ADCK1: variants seen among roughly 807,000 people sequenced by gnomAD.
The protein encoded by ADCK1 is aarF domain-containing protein kinase 1.
In ADCK1, 41 loss-of-function variants were observed where a neutral mutation model predicts 52.3. That is an observed-to-expected ratio of 0.78 (90% CI 0.61 to 1.02). The LOEUF (loss-of-function observed/expected upper bound fraction) is 1.02. Ranked by LOEUF, ADCK1 falls within the 50% of genes least tolerant of loss-of-function variation. The pLI is 0.00. For missense variants in ADCK1, 658 were observed against 679.5 expected, an observed-to-expected ratio of 0.97 and a Z score of 0.35; for synonymous variants, 250 against 274.6, an observed-to-expected ratio of 0.91 and a Z score of 0.89.
chr14:77,850,469 G>A (rs543843291), intron 3 of ADCK1, among the ~76,000 whole-genome samples: 9 of 152,024 alleles, frequency 5.9e-5, no homozygotes, highest in South Asian at 4.2e-4. Context: ...CATGTATTTC[G>A]AAGCTGTTAT....
chr14:77,934,754 A>C lies in ADCK1; in HGVS notation c.*1363A>C, dbSNP rs2084414159. 1 of 152,238 alleles carries C rather than the reference A, an allele frequency of 6.6e-6. No individual in the cohort carries two copies. Among genetic ancestry groups the C allele is most frequent in the Non-Finnish European group, 1.5e-5 (1 of 68,046 alleles). The allele number at this position is 152,238 out of a possible 1,614,324, so 9.4% of individuals were successfully genotyped here. On this transcript the variant is annotated 3_prime_UTR_variant, in exon 11 of 11. Transcript: ENST00000238561. Reference sequence around the variant, plus strand: ...CTTCACCCAATTCACAAGGGCAGAAAAAATCCTGAATTTGAGCCTAATTTT... The same window carrying C: ...CTTCACCCAATTCACAAGGGCAGAACAAATCCTGAATTTGAGCCTAATTTT...
chr14:77,912,433 C>CGTGTGTGTGT (rs57555913), intron 7 of ADCK1, among the ~76,000 whole-genome samples: 32 of 138,254 alleles, frequency 2.3e-4, no homozygotes, highest in East Asian at 1.8e-3. Flanking sequence ...TACGGAGGAG[C>CGTGTGTGTGT]GTGTGTGTGT....
chr14:77,883,937 G>A (rs1274691560), intron 4 of ADCK1, among the ~76,000 whole-genome samples: 1 of 152,146 alleles, frequency 6.6e-6, no homozygotes, highest in Non-Finnish European at 1.5e-5. Context: ...TGTCCTCTGG[G>A]GATGTGGTGG....
chr14:77,856,701 G>A (rs6574406), intron 3 of ADCK1, among the ~76,000 whole-genome samples: 130,338 of 152,190 alleles, frequency 0.86, 55,955 homozygotes, highest in Middle Eastern at 0.93. Context: ...CAAGCTGGCT[G>A]TGACAATGCT....
chr14:77,838,636 T>A (rs2082006792), intron 3 of ADCK1, among the ~76,000 whole-genome samples: 1 of 152,150 alleles, frequency 6.6e-6, no homozygotes, highest in Non-Finnish European at 1.5e-5. Flanking sequence ...GGGCTCAAGC[T>A]ATCCACCTGC....
chr14:77,908,394 C>T (rs2083716608), intron 7 of ADCK1: 1 of 155,928 alleles, frequency 6.4e-6, no homozygotes, highest in African/African-American at 2.4e-5. Flanking sequence ...CTTTGTGTGT[C>T]CCCCCTCCCA....
intron 7 of ADCK1, chr14:77,924,077 T>G: frequency 5.8e-6 from 1 of 172,812 alleles, no homozygotes; most frequent in Non-Finnish European, 1.2e-5. Flanking sequence ...TTCAGCCCAT[T>G]CTCAGCTTTG....
chr14:77,931,516 A>G lies in ADCK1; in HGVS notation c.1207-2A>G. ...GTTTCTGTTGCCCCATTGCTGCTTC[A>G]GGACTTAGAGATTCGCAACAACGCG... On this transcript the variant is annotated splice_acceptor_variant, in intron 9 of 10. Transcript: ENST00000238561. LOFTEE classifies it high-confidence loss of function. 2 of 1,611,862 alleles carry G rather than the reference A, an allele frequency of 1.2e-6. No individual in the cohort carries two copies. The highest frequency in any genetic ancestry group is 1.7e-6 in the Non-Finnish European group (2 of 1,178,356).
Position 77,842,449 on chromosome 14 carries a change from TTCCTTCCTTCCTTCC to T in ADCK1, c.220-16625_220-16611del, listed in dbSNP as rs1211674504. On this transcript the variant is annotated intron_variant, in intron 3 of 10. Coordinates refer to ENST00000238561, the MANE Select transcript of ADCK1 (RefSeq NM_020421.4). ...CCTGTATCTTTCAGGGTATTTTTTT[TTCCTTCCTTCCTTCC>T]TTCCTTCCTTCCTTCCTTCCTTCCT... 7.5e-4 allele frequency among the ~76,000 whole-genome samples: 31 copies of T among 41,190 alleles called. 1 individual carries two copies. In the East Asian group the frequency reaches 0.024, roughly 31 times the overall value. The allele number at this position is 41,190 out of a possible 152,430, so 27.0% of individuals were successfully genotyped here.
intron 4 of ADCK1, among the ~76,000 whole-genome samples, 174 bp downstream of exon 4, chr14:77,859,453 T>C (rs774707495): frequency 5.3e-5 from 8 of 152,224 alleles, no homozygotes; most frequent in Non-Finnish European, 1.2e-4. Context: ...TCAGTGGCCC[T>C]CAGTGAAACA....
chr14:77,847,365 G>T (rs554341749), intron 3 of ADCK1, among the ~76,000 whole-genome samples: 1 of 152,260 alleles, frequency 6.6e-6, no homozygotes, highest in Admixed American at 6.5e-5. Flanking sequence ...GAGGTCAGGC[G>T]TTCGAGATCA....
At chr14:77,908,418 A>C (rs2083717441) in intron 7 of ADCK1, 1 of 155,458 alleles carries the variant, frequency 6.4e-6, no homozygotes, top group Admixed American at 6.2e-5. Flanking sequence ...CCCTTGTCCC[A>C]GGGAATACTG....
intron 4 of ADCK1, among the ~76,000 whole-genome samples, chr14:77,875,370 C>T (rs1046527677): frequency 3.3e-5 from 5 of 152,028 alleles, no homozygotes; most frequent in Non-Finnish European, 5.9e-5. Context: ...ATAGTTGCCT[C>T]CTCTTTCCTC....
chr14:77,825,851 C>T (rs577089840), intron 3 of ADCK1, among the ~76,000 whole-genome samples: 8 of 152,244 alleles, frequency 5.3e-5, no homozygotes, highest in Non-Finnish European at 1.0e-4. Context: ...TTGCCCACTG[C>T]GCTTCCCTGC....
intron 6 of ADCK1, among the ~76,000 whole-genome samples, chr14:77,905,304 G>GT (rs58057378): frequency 0.02 from 1,889 of 96,210 alleles, 95 homozygotes; most frequent in African/African-American, 0.036. Flanking sequence ...TTCCTAGCTG[G>GT]TTTTTTTTTT....
chr14:77,852,568 G>A (rs2082305466), intron 3 of ADCK1, among the ~76,000 whole-genome samples: 1 of 146,758 alleles, frequency 6.8e-6, no homozygotes, highest in Admixed American at 7.0e-5. Context: ...TCTTGTGCTT[G>A]GGGCTTGTTG....
chr14:77,851,561 A>G (rs4903656), intron 3 of ADCK1, among the ~76,000 whole-genome samples: 57,645 of 151,812 alleles, frequency 0.38, 11,716 homozygotes, highest in Admixed American at 0.51. Context: ...TGTTTCCTTT[A>G]TCACGCCTTC....
chr14:77,922,844 G>A (rs1266966294), intron 7 of ADCK1, among the ~76,000 whole-genome samples: 1 of 152,188 alleles, frequency 6.6e-6, no homozygotes, highest in African/African-American at 2.4e-5. Context: ...GGTCATTCTT[G>A]ATGATTTAAT....
chr14:77,901,023 A>G (rs1369387449), intron 6 of ADCK1, among the ~76,000 whole-genome samples: 1 of 149,926 alleles, frequency 6.7e-6, no homozygotes, highest in South Asian at 2.1e-4. Context: ...TCTGCTGAGA[A>G]GTTGGCACTA....
Sources: gnomAD v4.1 joint callset for allele counts (sites outside exome capture counted in the v4.1 genomes callset) on GRCh38, gnomAD v4.1.1 for gene constraint, MANE v1.5 for transcripts, NCBI Gene and HGNC (gene_info 2026-07-23, HGNC 2026-07-21) for gene names.